LPP: variants seen among roughly 807,000 people sequenced by gnomAD.
The protein encoded by LPP is LIM domain containing preferred translocation partner in lipoma.
A neutral mutation model predicts 60.4 loss-of-function variants in LPP; 38 were observed. That is an observed-to-expected ratio of 0.63 (90% CI 0.49 to 0.83). The LOEUF (loss-of-function observed/expected upper bound fraction) is 0.83. LPP is among the 40% of genes least tolerant of loss of function. The pLI, the probability that LPP is intolerant of heterozygous loss-of-function variation, is 0.00. For synonymous variants in LPP, 328 were observed against 290.8 expected (o/e 1.13, Z -1.30); for missense variants, 902 against 783.6 (o/e 1.15, Z -1.80).
intron 1 of LPP, among the ~76,000 whole-genome samples, chr3:188,156,851 A>ACCC (rs1553796774): frequency 7.3e-6 from 1 of 136,554 alleles, no homozygotes; most frequent in African/African-American, 3.0e-5. Context: ...GCTGCGCCCC[A>ACCC]CCCCCCCAAG....
intron 9 of LPP, among the ~76,000 whole-genome samples, chr3:188,865,757 G>A (rs1766419045): frequency 6.6e-6 from 1 of 151,938 alleles, no homozygotes; most frequent in African/African-American, 2.4e-5. Context: ...CTGCTTTCCA[G>A]CTATAATAGC....
chr3:188,614,844 T>A (rs1196830538), intron 7 of LPP, among the ~76,000 whole-genome samples: 2 of 152,112 alleles, frequency 1.3e-5, no homozygotes, highest in African/African-American at 2.4e-5. Context: ...GGCCTTTGGA[T>A]AAAATCAGCG....
chr3:188,586,404 G>A (rs1453683742), intron 6 of LPP, among the ~76,000 whole-genome samples: 1 of 152,188 alleles, frequency 6.6e-6, no homozygotes, highest in Non-Finnish European at 1.5e-5. Flanking sequence ...AGTAAATTAT[G>A]AATTGCTACT....
intron 6 of LPP, among the ~76,000 whole-genome samples, chr3:188,552,566 G>A (rs1475838643): frequency 5.3e-5 from 8 of 152,136 alleles, no homozygotes. Flanking sequence ...TAAGATGAAG[G>A]TGTCAGCAGA....
At chr3:188,376,431 G>A (rs186690196) in intron 3 of LPP, among the ~76,000 whole-genome samples, 3 of 152,268 alleles carry the variant, frequency 2.0e-5, no homozygotes, top group Non-Finnish European at 4.4e-5. Flanking sequence ...AGCTCTTCTT[G>A]TTGAATTGAT....
chr3:188,736,813 C>A (rs900488735), intron 8 of LPP, among the ~76,000 whole-genome samples: 9 of 151,690 alleles, frequency 5.9e-5, no homozygotes, highest in Non-Finnish European at 5.9e-5. Context: ...TATATTTGAA[C>A]AAAATCTATT....
At chr3:188,404,241 T>A (rs1395958227) in intron 3 of LPP, among the ~76,000 whole-genome samples, 1 of 151,208 alleles carries the variant, frequency 6.6e-6, no homozygotes, top group Non-Finnish European at 1.5e-5. Context: ...AAGACAGAGG[T>A]TTATATGTTT....
intron 7 of LPP, among the ~76,000 whole-genome samples, chr3:188,611,872 C>T (rs1409390699): frequency 1.3e-5 from 2 of 152,190 alleles, no homozygotes; most frequent in Non-Finnish European, 2.9e-5. Flanking sequence ...AAAGAATCAG[C>T]CCCCACTGCT....
chr3:188,367,661 C>T (rs1025449504), intron 3 of LPP, among the ~76,000 whole-genome samples: 5 of 152,166 alleles, frequency 3.3e-5, no homozygotes, highest in South Asian at 2.1e-4. Context: ...GCAGCCTTTT[C>T]TAAAATGTGC....
At chr3:188,710,503 A>T (rs1866420363) in intron 8 of LPP, 1 of 152,232 alleles carries the variant, frequency 6.6e-6, no homozygotes, top group African/African-American at 2.4e-5. Context: ...ACATAAATTG[A>T]TGGAGATTAA....
intron 1 of LPP, among the ~76,000 whole-genome samples, chr3:188,203,441 T>TTATA (rs1344290838): frequency 6.8e-5 from 6 of 88,126 alleles, no homozygotes; most frequent in Admixed American, 6.0e-4. Context: ...AAATATATAT[T>TTATA]TATATAAATA....
intron 3 of LPP, among the ~76,000 whole-genome samples, chr3:188,392,003 T>C (rs1320739650): frequency 1.3e-5 from 2 of 152,208 alleles, no homozygotes; most frequent in Non-Finnish European, 2.9e-5. Context: ...AATCAAACCT[T>C]ACCTGCAAGA....
chr3:188,318,745 T>C (rs561167310), intron 2 of LPP, among the ~76,000 whole-genome samples: 2,356 of 145,370 alleles, frequency 0.016, 75 homozygotes, highest in African/African-American at 0.057. Context: ...TGAAAAAAAA[T>C]TATGATTCTT....
chr3:188,674,541 C>T (rs1240806716), intron 7 of LPP, among the ~76,000 whole-genome samples: 3 of 152,076 alleles, frequency 2.0e-5, no homozygotes, highest in Non-Finnish European at 2.9e-5. Flanking sequence ...ACTGCTGCAC[C>T]GAAGCTCTAG....
At chr3:188,517,859 G>C (rs1308297985) in intron 5 of LPP, among the ~76,000 whole-genome samples, 6 of 152,130 alleles carry the variant, frequency 3.9e-5, no homozygotes, top group Non-Finnish European at 8.8e-5. Flanking sequence ...TTTGGATAGG[G>C]ACACAGAGCA....
At chr3:188,466,632 C>T (rs976236614) in intron 4 of LPP, among the ~76,000 whole-genome samples, 6 of 151,006 alleles carry the variant, frequency 4.0e-5, no homozygotes, top group Non-Finnish European at 8.9e-5. Flanking sequence ...ATTGATAATA[C>T]CTTCGTTAAT....
In LPP at chr3:188,428,074, G is replaced by T. The variant is rs543363803; in HGVS notation, c.193+21761G>T. On this transcript the variant is annotated intron_variant, in intron 4 of 11. Transcript: ENST00000617246. ...ACCCAAGGGAATCTCCTGGTCTGTG[G>T]GTTGCAAAGACCATGGGAAAAGGGT... Among the ~76,000 whole-genome samples, 353 of 152,256 alleles carry T rather than the reference G, an allele frequency of 2.3e-3. 1 individual carries two copies. The highest frequency in any genetic ancestry group is 8.1e-3 in the African/African-American group (338 of 41,548).
At chr3:188,555,401 C>A (rs561740416) in intron 6 of LPP, among the ~76,000 whole-genome samples, 1 of 152,154 alleles carries the variant, frequency 6.6e-6, no homozygotes, top group Admixed American at 6.6e-5. Context: ...ATGTGGTAAT[C>A]CAAACCAGAA....
chr3:188,862,710 G>T, intron 9 of LPP, among the ~76,000 whole-genome samples: 1 of 59,424 alleles, frequency 1.7e-5, no homozygotes, highest in Non-Finnish European at 2.8e-5. Flanking sequence ...AACCCTACTA[G>T]ACAAAAAAAT....
Sources: gnomAD v4.1 joint callset for allele counts (sites outside exome capture counted in the v4.1 genomes callset) on GRCh38, gnomAD v4.1.1 for gene constraint, MANE v1.5 for transcripts, NCBI Gene and HGNC (gene_info 2026-07-23, HGNC 2026-07-21) for gene names.